The following MOGAT1 variants were observed in gnomAD, a reference collection of about 807,000 sequenced individuals.
The protein encoded by MOGAT1 is 2-acylglycerol O-acyltransferase 1.
Under a neutral mutation model 31.4 loss-of-function variants are expected in MOGAT1, and 32 were observed. The observed-to-expected ratio is 1.02, with a 90% confidence interval of 0.77 to 1.37. The LOEUF (loss-of-function observed/expected upper bound fraction) is 1.37. Among genes scored for constraint, MOGAT1 ranks in the 40% most tolerant of loss-of-function variants. The pLI is 0.00. For missense variants in MOGAT1, 426 were observed against 402.0 expected (o/e 1.06, Z -0.51); for synonymous variants, 145 against 144.5 (o/e 1.00, Z -0.03).
chr2:222,709,610 A>T, intron 5 of MOGAT1, 126 bp from the exon 6 acceptor site: 1 of 767,472 alleles, frequency 1.3e-6, no homozygotes. Flanking sequence ...AAAGGAAACA[A>T]GGATTGGAGT....
chr2:222,673,462 G>A (rs1692452108), intron 1 of MOGAT1, among the ~76,000 whole-genome samples: 1 of 151,996 alleles, frequency 6.6e-6, no homozygotes, highest in Non-Finnish European at 1.5e-5. Flanking sequence ...CGCTTGGTAT[G>A]TGCCAGGTGC....
rs1418515523 is a variant in MOGAT1, at chr2:222,671,823, C to A, written c.38C>A (p.Ala13Glu). ...TTTGCACCGCTCAACATCCAGCTGGCGCGGCGGCTGCAGACGGTGGCCGTG... is the reference window on the plus strand; with the variant it reads ...TTTGCACCGCTCAACATCCAGCTGGAGCGGCGGCTGCAGACGGTGGCCGTG... ...VEFAPLNIQL[A>E]RRLQTVAVLQ... Residue 13 changes from alanine to glutamate, a missense_variant, in exon 1 of 6, where the codon GCG (alanine) becomes GAG (glutamate). Ala to Glu is a moderately radical substitution (Grantham distance 107, BLOSUM62 -1). Transcript: ENST00000446656. 1.3e-6 allele frequency: 2 copies of A among 1,553,900 alleles called. No homozygotes were observed. The highest frequency in any genetic ancestry group is 1.7e-6 in the Non-Finnish European group (2 of 1,148,692).
chr2:222,705,662 C>A (rs1227575976), intron 5 of MOGAT1, among the ~76,000 whole-genome samples: 2 of 152,086 alleles, frequency 1.3e-5, no homozygotes, highest in East Asian at 3.9e-4. Context: ...AATTAATTAG[C>A]CTTCTTGTGC....
intron 5 of MOGAT1, among the ~76,000 whole-genome samples, chr2:222,703,225 T>C (rs1449902066): frequency 6.6e-6 from 1 of 152,184 alleles, no homozygotes; most frequent in Non-Finnish European, 1.5e-5. Flanking sequence ...ATAAGAGTTA[T>C]TTTAATAAGG....
Position 222,709,886 on chromosome 2 carries a change from A to G in MOGAT1, c.1004A>G (p.Lys335Arg). ...GIPEHETLVL[K>R] is the part of the protein sequence containing the mutation. ...CCAGAGCACGAGACTCTTGTTTTAA[A>G]ATGACTTGACTATAAAAAAAAATTA... The change falls in exon 6 of 6, where the codon AAA becomes AGA. Residue 335 changes from lysine (K) to arginine (R), a missense_variant. Lys to Arg is a conservative substitution (Grantham distance 26, BLOSUM62 2). Transcript: ENST00000446656. 6.3e-7 allele frequency: 1 copy of G among 1,598,034 alleles called. No individual in the cohort carries two copies.
intron 1 of MOGAT1, among the ~76,000 whole-genome samples, chr2:222,686,057 T>C (rs28394075): frequency 0.015 from 2,334 of 152,310 alleles, 59 homozygotes; most frequent in African/African-American, 0.053. Flanking sequence ...TAAAATTAGG[T>C]CAGTTTGCTT....
rs1342472637 is a variant in MOGAT1 at position 222,688,489 on chromosome 2, T to A, written c.240T>A (p.Leu80=). The A allele has an allele frequency of 1.2e-6, 2 of 1,613,436 alleles. No individual in the cohort carries two copies. Among genetic ancestry groups the A allele is most frequent in the Admixed American group, 3.3e-5 (2 of 59,896 alleles). ...RRSSWIKNWT[L]WKHFKDYFPI... ...CCAGCTGGATCAAAAATTGGACTCTTTGGAAACACTTTAAGGACTATTTTC... is the reference window on the plus strand; with the variant it reads ...CCAGCTGGATCAAAAATTGGACTCTATGGAAACACTTTAAGGACTATTTTC... Residue 80 remains leucine (L), a synonymous_variant, in exon 2 of 6, where the codon CTT becomes CTA. Transcript: ENST00000446656.
At chr2:222,689,509 G>A in intron 3 of MOGAT1, 40 bp downstream of exon 3, 1 of 1,571,928 alleles carries the variant, frequency 6.4e-7, no homozygotes, top group Non-Finnish European at 8.8e-7. Flanking sequence ...GTGCTTTGGG[G>A]TAGCAGGAGC....
chr2:222,674,959 C>G (rs1352842498), intron 1 of MOGAT1, among the ~76,000 whole-genome samples: 2 of 152,196 alleles, frequency 1.3e-5, no homozygotes, highest in Admixed American at 6.5e-5. Context: ...GCGCTAGCCA[C>G]TGCACCCAGA....
intron 3 of MOGAT1, among the ~76,000 whole-genome samples, chr2:222,689,990 C>T (rs1334037032): frequency 6.6e-6 from 1 of 151,802 alleles, no homozygotes; most frequent in African/African-American, 2.4e-5. Flanking sequence ...CGCGGTGGCT[C>T]ACGCCTGTAA....
intron 1 of MOGAT1, chr2:222,677,868 C>T (rs553173392): frequency 7.9e-6 from 2 of 254,414 alleles, no homozygotes; most frequent in Non-Finnish European, 1.7e-5. Context: ...TGTGTCCTTC[C>T]TGTGTTTCTT....
chr2:222,694,822 A>G (rs1641359122), intron 4 of MOGAT1, among the ~76,000 whole-genome samples: 1 of 152,252 alleles, frequency 6.6e-6, no homozygotes, highest in Non-Finnish European at 1.5e-5. Context: ...CCAAATCAAC[A>G]GTGGCCAAAG....
intron 1 of MOGAT1, among the ~76,000 whole-genome samples, chr2:222,683,937 C>G (rs550733640): frequency 6.6e-6 from 1 of 152,292 alleles, no homozygotes; most frequent in African/African-American, 2.4e-5. Flanking sequence ...ACATAAGTTT[C>G]GAGAGCTGCA....
chr2:222,700,952 C>T lies in MOGAT1; in HGVS notation c.853+5664C>T, dbSNP rs573976610. 5.3e-5 allele frequency among the ~76,000 whole-genome samples: 8 copies of T among 152,340 alleles called. No individual in the cohort carries two copies. The East Asian group carries it at 1.5e-3, about 29-fold the overall frequency. On this transcript the variant is annotated intron_variant, in intron 5 of 5. Coordinates refer to ENST00000446656, the MANE Select transcript of MOGAT1 (RefSeq NM_058165.3). ...AGTTATTCTGTGGTCCCTCTGCTCC[C>T]TCTCCTACTTTATTAACTTAAGTAA...
At chr2:222,687,603 C>T in intron 1 of MOGAT1, among the ~76,000 whole-genome samples, 1 of 152,116 alleles carries the variant, frequency 6.6e-6, no homozygotes, top group Non-Finnish European at 1.5e-5. Context: ...AGTTTTTGCC[C>T]CGTGTATTTT....
intron 3 of MOGAT1, among the ~76,000 whole-genome samples, chr2:222,690,798 G>A (rs1311460794): frequency 3.9e-5 from 6 of 152,230 alleles, no homozygotes; most frequent in South Asian, 4.1e-4. Flanking sequence ...GGCCTGCAGA[G>A]GGTGCACTAT....
intron 2 of MOGAT1, 66 bp from the exon 3 acceptor site, chr2:222,689,199 G>A: frequency 1.5e-6 from 2 of 1,356,426 alleles, no homozygotes; most frequent in Admixed American, 2.5e-5. Flanking sequence ...TAGTCCTTTT[G>A]TTTCTCATTG....
rs186662201 is a variant in MOGAT1 at position 222,693,492 on chromosome 2, T to A, written c.479-870T>A. ...TTAACCATTTTGTATTAGTTCATTT[T>A]CACACTGCTGATAAAGACATATCCA... is the stretch of plus-strand genomic sequence containing the variant. On this transcript the variant is annotated intron_variant, in intron 3 of 5. Transcript: ENST00000446656. 1.5e-3 allele frequency among the ~76,000 whole-genome samples: 221 copies of A among 151,234 alleles called. 1 individual carries two copies. Among genetic ancestry groups the A allele is most frequent in the Admixed American group, 0.013 (189 of 15,082 alleles).
At chr2:222,683,194 A>G (rs1055173938) in intron 1 of MOGAT1, among the ~76,000 whole-genome samples, 13 of 139,240 alleles carry the variant, frequency 9.3e-5, no homozygotes, top group Non-Finnish European at 1.7e-4. Flanking sequence ...ACAAAGTGAG[A>G]CCCTGTCTCA....
Sources: gnomAD v4.1 joint callset for allele counts (sites outside exome capture counted in the v4.1 genomes callset) on GRCh38, gnomAD v4.1.1 for gene constraint, MANE v1.5 for transcripts, NCBI Gene and HGNC (gene_info 2026-07-23, HGNC 2026-07-21) for gene names.